SPRYD7: variants seen among roughly 807,000 people sequenced by gnomAD.
The protein encoded by SPRYD7 is SPRY domain-containing protein 7.
A neutral mutation model predicts 23.8 loss-of-function variants in SPRYD7; 14 were observed. The observed-to-expected ratio is 0.59, with a 90% CI of 0.39 to 0.92. SPRYD7 has a LOEUF of 0.92. Among genes scored for constraint, SPRYD7 ranks in the 40% least tolerant of loss-of-function variants. The probability of loss-of-function intolerance (pLI) is 0.00; values close to 1 mark genes in which losing one functional copy is unlikely to be tolerated. For missense variants in SPRYD7, 194 were observed against 241.7 expected, an observed-to-expected ratio of 0.80 and a Z score of 1.31; for synonymous variants, 75 against 84.9, an observed-to-expected ratio of 0.88 and a Z score of 0.64.
intron 1 of SPRYD7, among the ~76,000 whole-genome samples, chr13:49,934,495 C>T (rs1449871539): frequency 7.5e-6 from 1 of 133,938 alleles, no homozygotes; most frequent in Admixed American, 9.0e-5. Context: ...GCGGAGGTTG[C>T]AGTGAGTGGA....
intron 3 of SPRYD7, among the ~76,000 whole-genome samples, chr13:49,924,185 C>T (rs1955852565): frequency 6.6e-6 from 1 of 152,000 alleles, no homozygotes. Flanking sequence ...CGGGGTTTCT[C>T]CATGTTGGTC....
chr13:49,924,466 T>G (rs1339446873), intron 3 of SPRYD7, among the ~76,000 whole-genome samples: 1 of 151,978 alleles, frequency 6.6e-6, no homozygotes, highest in Non-Finnish European at 1.5e-5. Flanking sequence ...TTTTATTTAT[T>G]TATTTATTTG....
Position 49,931,003 on chromosome 13 carries a change from T to C in SPRYD7, c.223+15A>G. 6.7e-7 allele frequency: 1 copy of C among 1,492,976 alleles called. No homozygotes were observed. Among genetic ancestry groups the C allele is most frequent in the Non-Finnish European group, 9.2e-7 (1 of 1,081,844 alleles). The allele number at this position is 1,492,976 out of a possible 1,614,324, so 92.5% of individuals were successfully genotyped here. Reference sequence around the variant, plus strand: ...ACAATTAGGACTTTTAATAGTAAAGTACCATTATACCAACCTGTGGACTGG... The same window carrying C: ...ACAATTAGGACTTTTAATAGTAAAGCACCATTATACCAACCTGTGGACTGG... On this transcript the variant is annotated intron_variant, in intron 2 of 4. Coordinates refer to ENST00000361840, the MANE Select transcript of SPRYD7 (RefSeq NM_020456.4).
chr13:49,921,200 C>A (rs925184156), intron 4 of SPRYD7, among the ~76,000 whole-genome samples: 2 of 152,106 alleles, frequency 1.3e-5, no homozygotes, highest in African/African-American at 4.8e-5. Context: ...TGAGTTTTCA[C>A]AAGATCTGAT....
At chr13:49,921,419 TACAC>T (rs1955818734) in intron 4 of SPRYD7, 55 bp downstream of exon 4, 5 of 1,087,728 alleles carry the variant, frequency 4.6e-6, no homozygotes, top group Non-Finnish European at 7.1e-6. Flanking sequence ...AACAGACTGA[TACAC>T]ACACCAAACA....
At chr13:49,922,799 T>A (rs1040495352) in intron 3 of SPRYD7, among the ~76,000 whole-genome samples, 27 of 126,396 alleles carry the variant, frequency 2.1e-4, no homozygotes, top group Non-Finnish European at 3.6e-4. Flanking sequence ...TCTATCAAGT[T>A]AAAAGCTTTT....
intron 1 of SPRYD7, among the ~76,000 whole-genome samples, chr13:49,933,976 GT>G (rs1871497894): frequency 6.6e-6 from 1 of 151,706 alleles, no homozygotes; most frequent in Admixed American, 6.6e-5. Context: ...TTCCAAAGTG[GT>G]TTTAAGTAAT....
chr13:49,936,029 C>G (rs957361527), intron 1 of SPRYD7, 101 bp downstream of exon 1: 46 of 517,258 alleles, frequency 8.9e-5, no homozygotes, highest in East Asian at 1.9e-4. Context: ...GCGTCGCCGG[C>G]GCGGCGGGGC....
intron 3 of SPRYD7, among the ~76,000 whole-genome samples, chr13:49,924,651 T>C (rs55869555): frequency 0.18 from 27,261 of 151,674 alleles, 2,795 homozygotes; most frequent in African/African-American, 0.27. Context: ...AGTTACTTAA[T>C]TTCTCTTAAT....
chr13:49,931,434 C>T (rs1566407982), intron 1 of SPRYD7, among the ~76,000 whole-genome samples: 1 of 152,140 alleles, frequency 6.6e-6, no homozygotes, highest in Non-Finnish European at 1.5e-5. Flanking sequence ...CCCACCTTGG[C>T]CTCCCAAAGT....
rs562200824 is a variant in SPRYD7 at position 49,921,486 on chromosome 13, A to G, written c.485T>C (p.Val162Ala). Reference sequence around the variant, plus strand: ...GAAATATTTTTGCTTACCATAAACAACTGGATACACTGTCCCTCGTATACC... The same window carrying G: ...GAAATATTTTTGCTTACCATAAACAGCTGGATACACTGTCCCTCGTATACC... ...ASGIRGTVYP[V>A]VYVDDSAILD... is the part of the protein sequence containing the mutation. Residue 162 changes from valine to alanine, a missense_variant, in exon 4 of 5, where the codon GTT (valine) becomes GCT (alanine). Physicochemically the swap from Val to Ala is moderately conservative, Grantham distance 64. Transcript: ENST00000361840. 2 of 1,608,020 alleles carry G rather than the reference A, an allele frequency of 1.2e-6. No homozygotes were observed. Among genetic ancestry groups the G allele is most frequent in the South Asian group, 2.2e-5 (2 of 90,978 alleles).
chr13:49,928,113 C>A (rs752526176), intron 2 of SPRYD7, 28 bp from the exon 3 acceptor site: 2 of 1,599,268 alleles, frequency 1.3e-6, no homozygotes, highest in Non-Finnish European at 1.7e-6. Flanking sequence ...TAAATGCCCT[C>A]AAAATCTGAA....
chr13:49,916,687 AAC>A (rs1461878074), intron 4 of SPRYD7, among the ~76,000 whole-genome samples: 3 of 152,178 alleles, frequency 2.0e-5, no homozygotes, highest in South Asian at 4.1e-4. Flanking sequence ...GGGAAGGGGA[AAC>A]ACAGGACTAG....
chr13:49,917,294 G>A (rs1594508280), intron 4 of SPRYD7, among the ~76,000 whole-genome samples: 1 of 152,068 alleles, frequency 6.6e-6, no homozygotes, highest in Admixed American at 6.6e-5. Flanking sequence ...TAGTAGAGAC[G>A]GGGTTTCACC....
chr13:49,915,786 C>T (rs910448575), intron 4 of SPRYD7, among the ~76,000 whole-genome samples: 1 of 152,176 alleles, frequency 6.6e-6, no homozygotes, highest in Non-Finnish European at 1.5e-5. Context: ...ACACTGGAAA[C>T]AACCCTAATG....
At chr13:49,916,124 T>TGACAA (rs1955748808) in intron 4 of SPRYD7, among the ~76,000 whole-genome samples, 1 of 152,098 alleles carries the variant, frequency 6.6e-6, no homozygotes. Context: ...ACCCTGGTGA[T>TGACAA]GACAAAACAA....
Position 49,915,078 on chromosome 13 carries a change from T to G in SPRYD7, c.576A>C (p.Glu192Asp), listed in dbSNP as rs1357383744. ...ACAAATACATTCAGAAGATTTGCTG[T>G]TCAAATAATATTTTTTCAAAACCAG... Reference protein sequence around the residue: ...PPPGFEKILFEQQIF With the variant: ...PPPGFEKILFDQQIF The change falls in exon 5 of 5, where the codon GAA becomes GAC. Residue 192 changes from glutamate to aspartate, a missense_variant. Coordinates refer to ENST00000361840, the MANE Select transcript of SPRYD7 (RefSeq NM_020456.4). 6.4e-7 allele frequency: 1 copy of G among 1,557,106 alleles called. No individual in the cohort carries two copies. The highest frequency in any genetic ancestry group is 1.8e-5 in the Admixed American group (1 of 54,296).
Position 49,931,062 on chromosome 13 carries a change from A to G in SPRYD7, c.179T>C (p.Leu60Ser). 2 of 1,613,508 alleles carry G rather than the reference A, an allele frequency of 1.2e-6. No homozygotes were observed. Among genetic ancestry groups the G allele is most frequent in the Non-Finnish European group, 1.7e-6 (2 of 1,179,690 alleles). ...GTGGCLASAP[L>S]HQNKSYFEFK... ...TTCAAAATAGCTTTTGTTTTGATGT[A>G]AAGGTGCGCTGGCTAAACAACCTCC... Residue 60 changes from leucine to serine, a missense_variant, in exon 2 of 5, where the codon TTA becomes TCA. Coordinates refer to ENST00000361840, the MANE Select transcript of SPRYD7 (RefSeq NM_020456.4).
At chr13:49,918,403 C>CTTTTTTTT (rs11436488) in intron 4 of SPRYD7, among the ~76,000 whole-genome samples, 3 of 143,046 alleles carry the variant, frequency 2.1e-5, no homozygotes, top group Non-Finnish European at 4.5e-5. Flanking sequence ...TAAATTAGTT[C>CTTTTTTTT]TTTTTTTTTT....
Sources: allele counts gnomAD v4.1 joint callset (sites outside exome capture counted in the v4.1 genomes callset), GRCh38; gene constraint gnomAD v4.1.1; transcripts MANE v1.5; gene names NCBI Gene and HGNC (gene_info 2026-07-23, HGNC 2026-07-21).